Variants in CFTR observed in about 807,000 individuals in gnomAD.
CFTR encodes the protein CF transmembrane conductance regulator, also known as cystic fibrosis transmembrane conductance regulator.
In CFTR, 181 loss-of-function variants were observed where a neutral mutation model predicts 171.6. That is an observed-to-expected ratio of 1.05 (90% confidence interval 0.93 to 1.19). The LOEUF (loss-of-function observed/expected upper bound fraction) is 1.19. Among genes scored for constraint, CFTR ranks in the 50% most tolerant of loss-of-function variants. The pLI, the probability that CFTR is intolerant of heterozygous loss-of-function variation, is 0.00. For missense variants in CFTR, 1,968 were observed against 1,734.7 expected, an observed-to-expected ratio of 1.13 and a Z score of -2.39; for synonymous variants, 583 against 608.0, an observed-to-expected ratio of 0.96 and a Z score of 0.60.
intron 24 of CFTR, among the ~76,000 whole-genome samples, chr7:117,662,044 T>G (rs1793299199): frequency 6.6e-6 from 1 of 151,768 alleles, no homozygotes; most frequent in Non-Finnish European, 1.5e-5. Flanking sequence ...GTACTAACAT[T>G]TCTATCAGTG....
rs397508612 is a variant in CFTR, at chr7:117,642,531, GGT to G, written c.3816_3817del (p.Ser1273LeufsTer28). 1 of 1,613,572 alleles carries G rather than the reference GGT, an allele frequency of 6.2e-7. No homozygotes were observed. Among genetic ancestry groups the G allele is most frequent in the Non-Finnish European group, 8.5e-7 (1 of 1,179,738 alleles). ...CACTGAAGGAGAAATCCAGATCGAT[GGT>G]GTGTCTTGGGATTCAATAACTTTGC... ...LNTEGEIQID[G>X]VSWDSITLQQ... is the part of the protein sequence containing the mutation. On this transcript the variant is annotated frameshift_variant, in exon 23 of 27. Transcript: ENST00000003084. LOFTEE classifies it high-confidence loss of function.
intron 24 of CFTR, among the ~76,000 whole-genome samples, chr7:117,655,872 T>G (rs548594184): frequency 6.6e-6 from 1 of 152,272 alleles, no homozygotes; most frequent in African/African-American, 2.4e-5. Flanking sequence ...CACTGTGTTG[T>G]TACATGGCAG....
At position 117,592,103 on chromosome 7, in the gene CFTR, G is replaced by A. The variant is rs1562907873; in HGVS notation, c.1936G>A (p.Gly646Arg). Residue 646 changes from glycine (G) to arginine (R), a missense_variant, in exon 14 of 27, where the codon GGA becomes AGA. Transcript: ENST00000003084. ...LQPDFSSKLM[G>R]CDSFDQFSAE... ...GCCAGACTTTAGCTCAAAACTCATG[G>A]GATGTGATTCTTTCGACCAATTTAG... is the stretch of plus-strand genomic sequence containing the variant. 1 of 1,614,004 alleles carries A rather than the reference G, an allele frequency of 6.2e-7. No individual in the cohort carries two copies. The highest frequency in any genetic ancestry group is 8.5e-7 in the Non-Finnish European group (1 of 1,179,986).
At chr7:117,627,900 A>G (rs1584830441) in intron 22 of CFTR, 130 bp downstream of exon 22, 1 of 926,032 alleles carries the variant, frequency 1.1e-6, no homozygotes, top group Non-Finnish European at 1.7e-6. Flanking sequence ...TTAAACACAC[A>G]TGTTTTATTA....
At chr7:117,511,056 A>T (rs1355936346) in intron 3 of CFTR, among the ~76,000 whole-genome samples, 1 of 152,148 alleles carries the variant, frequency 6.6e-6, no homozygotes, top group African/African-American at 2.4e-5. Context: ...ATATATAATT[A>T]TAATTATAAT....
rs34248182 is a variant in CFTR, at chr7:117,504,571, T to C, written c.164+208T>C. On this transcript the variant is annotated intron_variant, in intron 2 of 26. Transcript: ENST00000003084. ...GAGTTTGATACCAGCCTGGGCAACA[T>C]AGCAAGATGTTATCTCTACACAAAA... Among the ~76,000 whole-genome samples, 328 of 152,048 alleles carry C rather than the reference T, an allele frequency of 2.2e-3. 1 individual carries two copies. Among genetic ancestry groups the C allele is most frequent in the Admixed American group, 4.7e-3 (72 of 15,264 alleles).
intron 3 of CFTR, among the ~76,000 whole-genome samples, chr7:117,525,083 T>C (rs1478467080): frequency 6.6e-6 from 1 of 152,222 alleles, no homozygotes; most frequent in African/African-American, 2.4e-5. Context: ...AGTTAACATG[T>C]AATATTTGGA....
At chr7:117,500,510 G>A (rs1798307218) in intron 1 of CFTR, among the ~76,000 whole-genome samples, 2 of 151,652 alleles carry the variant, frequency 1.3e-5, no homozygotes, top group South Asian at 2.1e-4. Context: ...GGCTGGTCTC[G>A]AACTCCTTAC....
At position 117,490,271 on chromosome 7, in the gene CFTR, T is replaced by C. The variant is rs1798136599; in HGVS notation, c.53+10124T>C. The stretch of plus-strand genomic sequence containing the variant: ...TCAAAAATTCATTGAGTATTTACTC[T>C]GCATATTAGTCAAGGTTCTCCAGAG... On this transcript the variant is annotated intron_variant, in intron 1 of 26. Transcript: ENST00000003084. Among the ~76,000 whole-genome samples, 3 of 151,544 alleles carry C rather than the reference T, an allele frequency of 2.0e-5. No homozygotes were observed. In the South Asian group the frequency reaches 6.3e-4, roughly 32 times the overall value.
At chr7:117,597,274 C>T (rs2078753) in intron 15 of CFTR, among the ~76,000 whole-genome samples, 34,317 of 152,062 alleles carry the variant, frequency 0.23, 6,432 homozygotes, top group African/African-American at 0.49. Flanking sequence ...ATCCGAACAT[C>T]AGAAGGAACA....
At chr7:117,615,977 T>C (rs1161615405) in intron 21 of CFTR, among the ~76,000 whole-genome samples, 1 of 152,208 alleles carries the variant, frequency 6.6e-6, no homozygotes, top group South Asian at 2.1e-4. Flanking sequence ...TACTTTTTGC[T>C]TAAGTTTCTT....
intron 1 of CFTR, among the ~76,000 whole-genome samples, chr7:117,480,993 G>A (rs1584765041): frequency 6.6e-6 from 1 of 152,146 alleles, no homozygotes; most frequent in African/African-American, 2.4e-5. Context: ...TGAATGAATA[G>A]GTACTGCTCT....
intron 11 of CFTR, among the ~76,000 whole-genome samples, chr7:117,574,972 G>A (rs138417954): frequency 8.0e-4 from 122 of 151,926 alleles, no homozygotes; most frequent in African/African-American, 2.0e-3. Flanking sequence ...TACCCATAAC[G>A]TGTCACATTT....
intron 11 of CFTR, among the ~76,000 whole-genome samples, chr7:117,578,565 C>A (rs930535788): frequency 6.6e-6 from 1 of 151,994 alleles, no homozygotes; most frequent in Admixed American, 6.6e-5. Context: ...CTCATGTTGT[C>A]CAAGGGCGTT....
chr7:117,570,654 C>T (rs1471190667), intron 11 of CFTR, among the ~76,000 whole-genome samples: 1 of 152,140 alleles, frequency 6.6e-6, no homozygotes, highest in Non-Finnish European at 1.5e-5. Context: ...TATCTTTTTG[C>T]TATGCCCTAT....
intron 2 of CFTR, 79 bp from the exon 3 acceptor site, chr7:117,508,955 C>A: frequency 1.1e-6 from 1 of 911,058 alleles, no homozygotes; most frequent in South Asian, 1.3e-5. Context: ...TTGTGTGAAT[C>A]AAACTATGTT....
At chr7:117,508,007 C>T (rs1425962220) in intron 2 of CFTR, among the ~76,000 whole-genome samples, 1 of 152,186 alleles carries the variant, frequency 6.6e-6, no homozygotes, top group African/African-American at 2.4e-5. Context: ...AACTCCTGAC[C>T]TCAAGTGATC....
At chr7:117,582,092 A>T (rs948697541) in intron 11 of CFTR, among the ~76,000 whole-genome samples, 1 of 152,152 alleles carries the variant, frequency 6.6e-6, no homozygotes, top group Non-Finnish European at 1.5e-5. Context: ...TTCCACTTGG[A>T]TTGTTACATT....
At position 117,592,230 on chromosome 7, in the gene CFTR, A is replaced by T; in HGVS notation, c.2063A>T (p.Lys688Ile). The T allele has an allele frequency of 6.2e-7, 1 of 1,613,896 alleles. No individual in the cohort carries two copies. The highest frequency in any genetic ancestry group is 8.5e-7 in the Non-Finnish European group (1 of 1,180,022). The change falls in exon 14 of 27, where the codon AAA becomes ATA. Residue 688 changes from lysine (K) to isoleucine (I), a missense_variant. Coordinates refer to ENST00000003084, the MANE Select transcript of CFTR (RefSeq NM_000492.4). ...ACAGAAACAAAAAAACAATCTTTTA[A>T]ACAGACTGGAGAGTTTGGGGAAAAA... ...SWTETKKQSF[K>I]QTGEFGEKRK...
Sources: allele counts gnomAD v4.1 joint callset (sites outside exome capture counted in the v4.1 genomes callset), GRCh38; gene constraint gnomAD v4.1.1; transcripts MANE v1.5; gene names NCBI Gene and HGNC (gene_info 2026-07-23, HGNC 2026-07-21).